Variants in MECOM observed in about 807,000 individuals in gnomAD.
MECOM encodes MDS1 and EVI1 complex locus.
In MECOM, 13 loss-of-function variants were observed where a neutral mutation model predicts 116.3. The ratio of observed to expected loss-of-function variants is 0.11; its 90% CI spans 0.07 to 0.18. The LOEUF is 0.18. Ranked by LOEUF, MECOM falls within the 10% of genes least tolerant of loss-of-function variation. MECOM has a pLI of 1.00. For synonymous variants in MECOM, 528 were observed against 535.2 expected, an observed-to-expected ratio of 0.99 and a Z score of 0.19; for missense variants, 1,299 against 1,509.0, an observed-to-expected ratio of 0.86 and a Z score of 2.31.
At chr3:169,092,432 C>G (rs1430155327) in intron 14 of MECOM, among the ~76,000 whole-genome samples, 4 of 151,514 alleles carry the variant, frequency 2.6e-5, no homozygotes, top group African/African-American at 9.7e-5. Flanking sequence ...TACATATATA[C>G]AGAATATACA....
At chr3:169,275,130 C>T (rs1759423330) in intron 2 of MECOM, among the ~76,000 whole-genome samples, 1 of 152,060 alleles carries the variant, frequency 6.6e-6, no homozygotes, top group Non-Finnish European at 1.5e-5. Flanking sequence ...GTGTGTTTCC[C>T]CTCTGAGTTA....
At chr3:169,644,084 T>C (rs903997594) in intron 1 of MECOM, among the ~76,000 whole-genome samples, 7 of 152,176 alleles carry the variant, frequency 4.6e-5, no homozygotes, top group Non-Finnish European at 1.5e-5. Flanking sequence ...TAGTTTATCA[T>C]ATAGTATGCT....
chr3:169,453,165 T>C (rs1442881591), intron 1 of MECOM, among the ~76,000 whole-genome samples: 2 of 152,242 alleles, frequency 1.3e-5, no homozygotes, highest in Non-Finnish European at 2.9e-5. Context: ...TGATTAATAA[T>C]GAGTCTCATT....
At chr3:169,376,503 G>C (rs914098529) in intron 2 of MECOM, among the ~76,000 whole-genome samples, 1 of 152,080 alleles carries the variant, frequency 6.6e-6, no homozygotes, top group East Asian at 1.9e-4. Context: ...ACATCAATGT[G>C]CAAAAATCAC....
intron 1 of MECOM, among the ~76,000 whole-genome samples, chr3:169,443,662 T>C (rs1744118034): frequency 6.6e-6 from 1 of 152,234 alleles, no homozygotes; most frequent in South Asian, 2.1e-4. Context: ...TATTTTATTC[T>C]TCATTATCCT....
chr3:169,559,521 TC>T (rs759157453), intron 1 of MECOM, among the ~76,000 whole-genome samples: 53 of 152,222 alleles, frequency 3.5e-4, no homozygotes, highest in Admixed American at 1.5e-3. Context: ...GTGTACACTT[TC>T]CATTTTGAAG....
At chr3:169,472,522 G>GGAAAT (rs1560317846) in intron 1 of MECOM, among the ~76,000 whole-genome samples, 1 of 88,168 alleles carries the variant, frequency 1.1e-5, no homozygotes, top group Non-Finnish European at 2.1e-5. Context: ...GGAAAGGAAA[G>GGAAAT]AAAAGAAAAG....
At chr3:169,147,034 G>A in intron 2 of MECOM, 1 of 991,604 alleles carries the variant, frequency 1.0e-6, no homozygotes, top group Non-Finnish European at 1.2e-6. Context: ...TCGTCTGGGT[G>A]ACCCGGGTTT....
At chr3:169,161,257 G>A (rs1347536197) in intron 2 of MECOM, among the ~76,000 whole-genome samples, 1 of 152,114 alleles carries the variant, frequency 6.6e-6, no homozygotes, top group Non-Finnish European at 1.5e-5. Context: ...GGATCCTGGG[G>A]AATCATTGCC....
chr3:169,329,444 G>A (rs1271447078), intron 2 of MECOM, among the ~76,000 whole-genome samples: 1 of 152,152 alleles, frequency 6.6e-6, no homozygotes, highest in African/African-American at 2.4e-5. Context: ...AACTATGTGG[G>A]GAGTGTGGGC....
intron 2 of MECOM, among the ~76,000 whole-genome samples, chr3:169,257,963 G>C (rs574728950): frequency 6.6e-6 from 1 of 152,176 alleles, no homozygotes; most frequent in African/African-American, 2.4e-5. Flanking sequence ...GCGCATGCCC[G>C]CAATATCAGC....
chr3:169,376,435 G>A (rs752453591), intron 2 of MECOM, among the ~76,000 whole-genome samples: 15 of 152,048 alleles, frequency 9.9e-5, no homozygotes, highest in Non-Finnish European at 1.8e-4. Flanking sequence ...AAATTCCATC[G>A]TCTAAGCCCA....
chr3:169,476,598 GTTC>G (rs1306782730), intron 1 of MECOM, among the ~76,000 whole-genome samples: 2 of 152,132 alleles, frequency 1.3e-5, no homozygotes, highest in African/African-American at 2.4e-5. Context: ...GATCGAGTTT[GTTC>G]TTCTGATAGA....
At chr3:169,609,457 ATT>A (rs5854341) in intron 1 of MECOM, among the ~76,000 whole-genome samples, 16,963 of 149,124 alleles carry the variant, frequency 0.11, 1,200 homozygotes, top group African/African-American at 0.19. Context: ...TCAGTTAATC[ATT>A]TTTTTTTTTT....
intron 7 of MECOM, 38 bp downstream of exon 7, chr3:169,121,018 C>G: frequency 1.9e-6 from 3 of 1,564,020 alleles, no homozygotes; most frequent in Non-Finnish European, 1.7e-6. Flanking sequence ...GGGGAAGAGA[C>G]AGATGTGGGA....
At chr3:169,560,198 T>C (rs1762486994) in intron 1 of MECOM, among the ~76,000 whole-genome samples, 1 of 152,182 alleles carries the variant, frequency 6.6e-6, no homozygotes, top group Non-Finnish European at 1.5e-5. Context: ...ATTAAGCTTG[T>C]AAGTGTTATG....
rs1416602924 is a variant in MECOM at position 169,107,868 on chromosome 3, A to G, written c.2604+58T>C. ...TGTCTGTACAGCAATTTAGAATGTAAGCTGTTTTCTTTTTAATGCTACATC... is the reference window on the plus strand; with the variant it reads ...TGTCTGTACAGCAATTTAGAATGTAGGCTGTTTTCTTTTTAATGCTACATC... On this transcript the variant is annotated intron_variant, in intron 10 of 16. Coordinates refer to ENST00000651503, the MANE Select transcript of MECOM (RefSeq NM_004991.4). 1.3e-5 allele frequency: 18 copies of G among 1,394,924 alleles called. No homozygotes were observed. The East Asian group carries it at 3.2e-4, about 25-fold the overall frequency. 86.4% of individuals were successfully genotyped at this position (1,394,924 alleles called of 1,614,324 possible).
chr3:169,220,366 C>T (rs1342675763), intron 2 of MECOM, among the ~76,000 whole-genome samples: 1 of 152,104 alleles, frequency 6.6e-6, no homozygotes, highest in African/African-American at 2.4e-5. Flanking sequence ...CAAATATTGC[C>T]TTTTCAGTGA....
intron 1 of MECOM, among the ~76,000 whole-genome samples, chr3:169,649,004 C>T (rs540552791): frequency 7.2e-5 from 11 of 152,246 alleles, no homozygotes; most frequent in African/African-American, 9.6e-5. Flanking sequence ...GGATAAAATA[C>T]GCAAAAACTG....
Sources: gnomAD v4.1 joint callset for allele counts (sites outside exome capture counted in the v4.1 genomes callset) on GRCh38, gnomAD v4.1.1 for gene constraint, MANE v1.5 for transcripts, NCBI Gene and HGNC (gene_info 2026-07-23, HGNC 2026-07-21) for gene names.